FREM1: variants seen among roughly 807,000 people sequenced by gnomAD.
FREM1 encodes the protein FRAS1 related extracellular matrix 1, also known as FRAS1-related extracellular matrix protein 1.
A neutral mutation model predicts 210.1 loss-of-function variants in FREM1; 220 were observed. The observed-to-expected ratio is 1.05, with a 90% CI of 0.94 to 1.17. The LOEUF is 1.17. Among genes scored for constraint, FREM1 ranks in the 50% most tolerant of loss-of-function variants. FREM1 has a pLI of 0.00. For missense variants in FREM1, 3,454 were observed against 2,675.5 expected (o/e 1.29, Z -6.42); for synonymous variants, 1,189 against 980.2 (o/e 1.21, Z -3.98).
chr9:14,811,997 G>T (rs1378919894), intron 16 of FREM1, among the ~76,000 whole-genome samples: 3 of 152,154 alleles, frequency 2.0e-5, no homozygotes, highest in Non-Finnish European at 4.4e-5. Context: ...TACCAAGGAA[G>T]TTTCCCCAAC....
At chr9:14,798,969 C>T (rs72711319) in intron 20 of FREM1, among the ~76,000 whole-genome samples, 25,469 of 151,926 alleles carry the variant, frequency 0.17, 2,640 homozygotes, top group South Asian at 0.25. Flanking sequence ...CCACCACACC[C>T]GGTCTCCATG....
rs1821863798 is a variant in FREM1, at chr9:14,824,028, A to C, written c.2166T>G (p.Thr722=). Residue 722 remains threonine, a synonymous_variant, in exon 12 of 37, where the codon ACT becomes ACG. Transcript: ENST00000380880. ...NPTALELRSF[T]QHAVNYMKVA... is the part of the protein sequence containing the mutation. ...GCATTTTAGCATATCCTCATACCTG[A>C]GTGAATGACCTCAGCTCCAGGGCCG... is the stretch of plus-strand genomic sequence containing the variant. 6.3e-7 allele frequency: 1 copy of C among 1,581,548 alleles called. No homozygotes were observed. The highest frequency in any genetic ancestry group is 8.6e-7 in the Non-Finnish European group (1 of 1,159,268).
intron 8 of FREM1, 124 bp downstream of exon 8, chr9:14,845,836 C>T: frequency 2.1e-6 from 2 of 953,760 alleles, no homozygotes; most frequent in African/African-American, 1.7e-5. Context: ...TCCAGATTTT[C>T]TGCATTTGAC....
At chr9:14,815,283 G>A (rs950291604) in intron 15 of FREM1, among the ~76,000 whole-genome samples, 7 of 152,166 alleles carry the variant, frequency 4.6e-5, no homozygotes, top group Non-Finnish European at 8.8e-5. Context: ...ATGATTTTGG[G>A]CAAGTCATTG....
intron 1 of FREM1, among the ~76,000 whole-genome samples, chr9:14,881,765 C>T (rs1010492816): frequency 5.3e-5 from 8 of 152,194 alleles, no homozygotes; most frequent in African/African-American, 1.9e-4. Flanking sequence ...CTATATTTCA[C>T]AGTCTCTCTT....
intron 35 of FREM1, among the ~76,000 whole-genome samples, chr9:14,744,389 G>A (rs948403368): frequency 7.2e-5 from 11 of 151,864 alleles, no homozygotes; most frequent in Admixed American, 2.6e-4. Context: ...ACGTTACCTC[G>A]TGCTATTTTC....
At chr9:14,880,931 G>A (rs1834682483) in intron 1 of FREM1, among the ~76,000 whole-genome samples, 1 of 152,168 alleles carries the variant, frequency 6.6e-6, no homozygotes. Context: ...GCCCATCAAG[G>A]TATACAAAGG....
chr9:14,812,723 C>G, intron 16 of FREM1, 89 bp downstream of exon 16: 1 of 1,346,680 alleles, frequency 7.4e-7, no homozygotes, highest in Non-Finnish European at 1.0e-6. Flanking sequence ...AGTAACCATT[C>G]TGACTGTTTG....
At chr9:14,865,661 CTGTGTGTG>C (rs56960871) in intron 2 of FREM1, among the ~76,000 whole-genome samples, 93 of 144,614 alleles carry the variant, frequency 6.4e-4, no homozygotes, top group Non-Finnish European at 9.7e-4. Flanking sequence ...AATGTTTAGG[CTGTGTGTG>C]TGTGTGTGTG....
chr9:14,828,638 C>CGGGGGGGGGGG (rs67204004), intron 10 of FREM1, among the ~76,000 whole-genome samples: 3 of 74,918 alleles, frequency 4.0e-5, no homozygotes, highest in Non-Finnish European at 5.1e-5. Flanking sequence ...TAAATTGTGG[C>CGGGGGGGGGGG]GGGGCGGGGG....
intron 5 of FREM1, among the ~76,000 whole-genome samples, chr9:14,857,058 G>A (rs1828892735): frequency 6.6e-6 from 1 of 152,148 alleles, no homozygotes; most frequent in African/African-American, 2.4e-5. Flanking sequence ...TTGGGAGCCT[G>A]TCTCCTTGAT....
At chr9:14,768,366 T>G (rs1846850824) in intron 27 of FREM1, among the ~76,000 whole-genome samples, 1 of 151,640 alleles carries the variant, frequency 6.6e-6, no homozygotes, top group South Asian at 2.1e-4. Context: ...AAGATATTTG[T>G]CTGACATTGC....
chr9:14,804,028 G>T (rs962807712), intron 19 of FREM1, among the ~76,000 whole-genome samples: 1 of 152,066 alleles, frequency 6.6e-6, no homozygotes, highest in African/African-American at 2.4e-5. Context: ...AAAAATTTTA[G>T]ATCAATATAC....
At chr9:14,888,095 G>A (rs1010063842) in intron 1 of FREM1, among the ~76,000 whole-genome samples, 2 of 152,160 alleles carry the variant, frequency 1.3e-5, no homozygotes, top group African/African-American at 4.8e-5. Context: ...ACCACGTCTG[G>A]CCAAAACCAA....
At chr9:14,767,952 T>C (rs1231473172) in intron 27 of FREM1, among the ~76,000 whole-genome samples, 2 of 152,154 alleles carry the variant, frequency 1.3e-5, no homozygotes, top group African/African-American at 2.4e-5. Context: ...TGAAAGTTAA[T>C]AGCCAACAAA....
chr9:14,870,717 A>T (rs963258440), intron 1 of FREM1, among the ~76,000 whole-genome samples: 1 of 151,734 alleles, frequency 6.6e-6, no homozygotes, highest in Non-Finnish European at 1.5e-5. Flanking sequence ...GGTTAGTTAC[A>T]TATGTAGACA....
In FREM1 at chr9:14,863,889, A is replaced by G; in HGVS notation, c.249T>C (p.His83=). ...GKLTPQVFDC[H]FLPNEVKYVH... ...CATACTTGACTTCGTTGGGAAGGAAATGGCAGTCAAAGACCTAGTTCACAT... is the reference window on the plus strand; with the variant it reads ...CATACTTGACTTCGTTGGGAAGGAAGTGGCAGTCAAAGACCTAGTTCACAT... Residue 83 remains histidine (H), a synonymous_variant, in exon 3 of 37, where the codon CAT becomes CAC. Coordinates refer to ENST00000380880, the MANE Select transcript of FREM1 (RefSeq NM_001379081.2). 1 of 1,608,366 alleles carries G rather than the reference A, an allele frequency of 6.2e-7. No individual in the cohort carries two copies. Among genetic ancestry groups the G allele is most frequent in the Non-Finnish European group, 8.5e-7 (1 of 1,174,868 alleles).
chr9:14,789,628 C>T (rs1407129248), intron 22 of FREM1, among the ~76,000 whole-genome samples: 1 of 152,090 alleles, frequency 6.6e-6, no homozygotes, highest in African/African-American at 2.4e-5. Context: ...TCCAGCCTTA[C>T]TAAAGAAAGA....
rs748464182 is a variant in FREM1 at position 14,859,233 on chromosome 9, C to T, written c.581G>A (p.Arg194Gln). ...AHGQMVLGEP[R>Q]PEEPRGDQPH... The stretch of plus-strand genomic sequence containing the variant: ...CTGATCTCCACGAGGTTCTTCTGGT[C>T]GAGGCTCCCCGAGAACCATCTGGCC... The change falls in exon 4 of 37, where the codon CGA becomes CAA. Residue 194 changes from arginine (R) to glutamine (Q), a missense_variant. Physicochemically the swap from Arg to Gln is conservative, Grantham distance 43. Coordinates refer to ENST00000380880, the MANE Select transcript of FREM1 (RefSeq NM_001379081.2). 5.9e-5 allele frequency: 95 copies of T among 1,609,294 alleles called. No individual in the cohort carries two copies. The Admixed American group carries it at 6.4e-4, about 11-fold the overall frequency.
Sources: allele counts gnomAD v4.1 joint callset (sites outside exome capture counted in the v4.1 genomes callset), GRCh38; gene constraint gnomAD v4.1.1; transcripts MANE v1.5; gene names NCBI Gene and HGNC (gene_info 2026-07-23, HGNC 2026-07-21).